PYGB: variants seen among roughly 807,000 people sequenced by gnomAD.
The protein encoded by PYGB is glycogen phosphorylase B.
PYGB carries 82 observed loss-of-function variants against 94.3 expected under a neutral mutation model. That is an observed-to-expected ratio of 0.87 (90% CI 0.73 to 1.04). The LOEUF (loss-of-function observed/expected upper bound fraction) is 1.04, where lower values mean the gene tolerates loss of function less well. Ranked by LOEUF, PYGB falls within the 50% of genes least tolerant of loss-of-function variation. The probability of loss-of-function intolerance (pLI) is 0.00; values close to 1 mark genes in which losing one functional copy is unlikely to be tolerated. For missense variants in PYGB, 1,132 were observed against 1,158.2 expected (o/e 0.98, Z 0.33); for synonymous variants, 488 against 479.1 (o/e 1.02, Z -0.24).
chr20:25,273,717 GCTT>G (rs1031070460), intron 4 of PYGB, among the ~76,000 whole-genome samples: 107 of 152,270 alleles, frequency 7.0e-4, no homozygotes, highest in African/African-American at 2.3e-3. Context: ...CTGGGAATAA[GCTT>G]CTTCTTGGAA....
At chr20:25,257,645 A>G (rs1204959486) in intron 1 of PYGB, among the ~76,000 whole-genome samples, 1 of 152,218 alleles carries the variant, frequency 6.6e-6, no homozygotes, top group Non-Finnish European at 1.5e-5. Flanking sequence ...CCTGGGCAAC[A>G]TAGTGAGACC....
chr20:25,269,586 C>T (rs919997815), intron 3 of PYGB, among the ~76,000 whole-genome samples: 3 of 152,210 alleles, frequency 2.0e-5, no homozygotes, highest in African/African-American at 7.2e-5. Context: ...AACTCTGATA[C>T]AGTCAGCAGA....
Position 25,283,129 on chromosome 20 carries a change from C to G in PYGB, c.1519-47C>G, listed in dbSNP as rs758411547. On this transcript the variant is annotated intron_variant, in intron 12 of 19. Coordinates refer to ENST00000216962, the MANE Select transcript of PYGB (RefSeq NM_002862.4). ...AGGGCAGGTGGCTAGGGGGCCCAGCCTCAGGAGGCTGAGGCCCACAGTGAG... is the reference window on the plus strand; with the variant it reads ...AGGGCAGGTGGCTAGGGGGCCCAGCGTCAGGAGGCTGAGGCCCACAGTGAG... 14 of 1,519,570 alleles carry G rather than the reference C, an allele frequency of 9.2e-6. No homozygotes were observed. In the Admixed American group the frequency reaches 1.4e-4, roughly 15 times the overall value. 94.1% of individuals were successfully genotyped at this position (1,519,570 alleles called of 1,614,324 possible). A position where few individuals can be genotyped will look rare whatever the true frequency, so the allele number is the denominator to read the frequency against.
rs530589416 is a variant in PYGB at position 25,267,533 on chromosome 20, CATTGTT to C, written c.346-1595_346-1590del. Among the ~76,000 whole-genome samples the C allele has an allele frequency of 4.1e-3, 490 of 120,084 alleles. 1 individual carries two copies. The highest frequency in any genetic ancestry group is 0.013 in the African/African-American group (447 of 34,658). 78.8% of individuals were successfully genotyped at this position (120,084 alleles called of 152,430 possible). A position where few individuals can be genotyped will look rare whatever the true frequency, so the allele number is the denominator to read the frequency against. ...GGACTTTGTCAGCTACTTTTTGTGT[CATTGTT>C]GTTGTTGTTGAGACAGGGTCTTGCT... On this transcript the variant is annotated intron_variant, in intron 2 of 19. Transcript: ENST00000216962.
chr20:25,296,651 GC>G lies in PYGB; in HGVS notation c.*131del. The G allele has an allele frequency of 8.0e-7, 1 of 1,244,734 alleles. No homozygotes were observed. Among genetic ancestry groups the G allele is most frequent in the Non-Finnish European group, 1.1e-6 (1 of 913,834 alleles). The allele number at this position is 1,244,734 out of a possible 1,614,324, so 77.1% of individuals were successfully genotyped here. A position where few individuals can be genotyped will look rare whatever the true frequency, so the allele number is the denominator to read the frequency against. On this transcript the variant is annotated 3_prime_UTR_variant, in exon 20 of 20. Coordinates refer to ENST00000216962, the MANE Select transcript of PYGB (RefSeq NM_002862.4). ...TCTGAGTACCATGTTTCCAGGAGGG[GC>G]CATGGGGGTCAGGGTGGTTTTGAGA...
At chr20:25,291,963 A>C (rs1325392514) in intron 16 of PYGB, among the ~76,000 whole-genome samples, 2 of 151,904 alleles carry the variant, frequency 1.3e-5, no homozygotes, top group Non-Finnish European at 2.9e-5. Flanking sequence ...GGAGGTCGCC[A>C]CCCCTCAGCC....
rs2088507871 is a variant in PYGB at position 25,294,404 on chromosome 20, A to G, written c.2312+112A>G. 3 of 1,340,360 alleles carry G rather than the reference A, an allele frequency of 2.2e-6. No homozygotes were observed. The East Asian group carries it at 7.2e-5, about 32-fold the overall frequency. 83.0% of individuals were successfully genotyped at this position (1,340,360 alleles called of 1,614,324 possible). A position where few individuals can be genotyped will look rare whatever the true frequency, so the allele number is the denominator to read the frequency against. On this transcript the variant is annotated intron_variant, in intron 18 of 19. Coordinates refer to ENST00000216962, the MANE Select transcript of PYGB (RefSeq NM_002862.4). ...GGAGAGCAAAACCCGTGCTTTCAGGACGTCTTCTCCACTGTGCCCATGAGA... is the reference window on the plus strand; with the variant it reads ...GGAGAGCAAAACCCGTGCTTTCAGGGCGTCTTCTCCACTGTGCCCATGAGA...
intron 1 of PYGB, among the ~76,000 whole-genome samples, chr20:25,257,279 C>T (rs913145602): frequency 9.2e-5 from 14 of 152,154 alleles, no homozygotes; most frequent in African/African-American, 2.7e-4. Context: ...GCCTGTGGCC[C>T]GGCAGGCCCT....
chr20:25,279,802 G>A (rs1027172245), intron 9 of PYGB, among the ~76,000 whole-genome samples: 8 of 152,150 alleles, frequency 5.3e-5, no homozygotes, highest in African/African-American at 1.9e-4. Flanking sequence ...CCCCTCTCTG[G>A]TCTTGGGGTG....
intron 17 of PYGB, 23 bp downstream of exon 17, chr20:25,292,636 A>G: frequency 1.2e-6 from 2 of 1,605,188 alleles, no homozygotes; most frequent in South Asian, 2.2e-5. Context: ...GCCCCTGGGC[A>G]CCTGGCACCG....
At chr20:25,269,553 C>A (rs1374237072) in intron 3 of PYGB, among the ~76,000 whole-genome samples, 1 of 152,158 alleles carries the variant, frequency 6.6e-6, no homozygotes, top group South Asian at 2.1e-4. Context: ...CTGAACGTGG[C>A]CCTGCTTGCA....
intron 7 of PYGB, among the ~76,000 whole-genome samples, chr20:25,277,726 C>T (rs764673456): frequency 6.6e-5 from 10 of 152,244 alleles, no homozygotes; most frequent in Non-Finnish European, 1.5e-4. Flanking sequence ...GGGACCGTAG[C>T]GCCTACTTGG....
At chr20:25,271,163 C>G (rs1001876895) in intron 3 of PYGB, among the ~76,000 whole-genome samples, 3 of 152,106 alleles carry the variant, frequency 2.0e-5, no homozygotes, top group Admixed American at 6.5e-5. Flanking sequence ...TTCATCCCCC[C>G]CCATCCTCCC....
chr20:25,294,434 A>G, intron 18 of PYGB, 142 bp downstream of exon 18: 1 of 1,110,856 alleles, frequency 9.0e-7, no homozygotes, highest in Non-Finnish European at 1.3e-6. Context: ...ATGAGACCTT[A>G]CTGGGCAGAG....
chr20:25,281,011 G>C lies in PYGB; in HGVS notation c.1302G>C (p.Glu434Asp). Residue 434 changes from glutamate (E) to aspartate (D), a missense_variant, in exon 11 of 20, where the codon GAG (glutamate) becomes GAC (aspartate). By Grantham distance (45) the Glu-to-Asp change is conservative. Coordinates refer to ENST00000216962, the MANE Select transcript of PYGB (RefSeq NM_002862.4). ...TGCGCAGGATGTCTGTGATCGAGGAGGGGGACTGCAAGCGGATCAACATGG... is the reference window on the plus strand; with the variant it reads ...TGCGCAGGATGTCTGTGATCGAGGACGGGGACTGCAAGCGGATCAACATGG... Reference protein sequence around the residue: ...DRLRRMSVIEEGDCKRINMAH... With the variant: ...DRLRRMSVIEDGDCKRINMAH... The C allele has an allele frequency of 1.9e-6, 3 of 1,614,210 alleles. No individual in the cohort carries two copies. The highest frequency in any genetic ancestry group is 2.2e-5 in the South Asian group (2 of 91,082).
Position 25,284,104 on chromosome 20 carries a change from G to A in PYGB, c.1621G>A (p.Glu541Lys). ...FIRDVAKVKQ[E>K]NKLKFSAFLE... ...CCATCTTTCCCTTTCACCCTCCCAG[G>A]AGAACAAGCTCAAGTTCTCGGCCTT... Residue 541 changes from glutamate (E) to lysine (K), a missense_variant and splice_region_variant, in exon 14 of 20, where the codon GAG becomes AAG. Coordinates refer to ENST00000216962, the MANE Select transcript of PYGB (RefSeq NM_002862.4). 6.2e-7 allele frequency: 1 copy of A among 1,613,812 alleles called. No individual in the cohort carries two copies. The highest frequency in any genetic ancestry group is 8.5e-7 in the Non-Finnish European group (1 of 1,179,820).
chr20:25,266,932 T>TA (rs1200632047), intron 2 of PYGB, among the ~76,000 whole-genome samples: 1 of 152,244 alleles, frequency 6.6e-6, no homozygotes, highest in Non-Finnish European at 1.5e-5. Context: ...GTCTGCTAGT[T>TA]ACTAAAAAAG....
intron 4 of PYGB, among the ~76,000 whole-genome samples, chr20:25,272,656 G>A (rs868346169): frequency 6.0e-4 from 91 of 152,174 alleles, no homozygotes; most frequent in African/African-American, 2.1e-3. Context: ...AACCTAAAAC[G>A]GACTCGGATC....
chr20:25,268,131 T>C (rs571305043), intron 2 of PYGB, among the ~76,000 whole-genome samples: 1 of 148,708 alleles, frequency 6.7e-6, no homozygotes, highest in African/African-American at 2.5e-5. Flanking sequence ...TTTGAGCCAG[T>C]AATGCATTAT....
Sources: gnomAD v4.1 joint callset for allele counts (sites outside exome capture counted in the v4.1 genomes callset) on GRCh38, gnomAD v4.1.1 for gene constraint, MANE v1.5 for transcripts, NCBI Gene and HGNC (gene_info 2026-07-23, HGNC 2026-07-21) for gene names.